Variants in UMAD1 observed in about 807,000 individuals in gnomAD.
UMAD1 encodes UBAP1-MVB12-associated (UMA) domain containing 1.
Under a neutral mutation model 6.1 loss-of-function variants are expected in UMAD1, and 8 were observed. The observed-to-expected ratio is 1.30, with a 90% CI of 0.76 to 2.35. UMAD1 has a LOEUF of 2.35. Ranked by LOEUF, UMAD1 falls within the 30% of genes most tolerant of loss-of-function variation. The pLI, the probability that UMAD1 is intolerant of heterozygous loss-of-function variation, is 0.00. For missense variants in UMAD1, 130 were observed against 78.4 expected (o/e 1.66, Z -2.49); for synonymous variants, 56 against 31.4 (o/e 1.78, Z -2.61).
At chr7:7,876,096 A>T (rs996142208) in intron 3 of UMAD1, among the ~76,000 whole-genome samples, 2 of 152,162 alleles carry the variant, frequency 1.3e-5, no homozygotes, top group Non-Finnish European at 2.9e-5. Context: ...AGTTTTATAT[A>T]AGTGAGAAAA....
intron 3 of UMAD1, among the ~76,000 whole-genome samples, chr7:7,846,039 T>C (rs901283197): frequency 6.6e-6 from 1 of 152,152 alleles, no homozygotes; most frequent in Non-Finnish European, 1.5e-5. Context: ...TACTCAATCA[T>C]AGTAAAGTAA....
chr7:7,703,636 AG>A (rs1257923200), intron 2 of UMAD1, among the ~76,000 whole-genome samples: 1 of 152,190 alleles, frequency 6.6e-6, no homozygotes, highest in African/African-American at 2.4e-5. Flanking sequence ...GCCAAAGTTC[AG>A]TTCCTTCTTC....
chr7:7,665,708 C>G (rs1272498462), intron 1 of UMAD1, among the ~76,000 whole-genome samples: 3 of 152,160 alleles, frequency 2.0e-5, no homozygotes, highest in African/African-American at 7.2e-5. Flanking sequence ...CCTCCCCTCC[C>G]CAGGCAACCT....
At chr7:7,766,141 T>G (rs1781981601) in intron 2 of UMAD1, among the ~76,000 whole-genome samples, 1 of 152,218 alleles carries the variant, frequency 6.6e-6, no homozygotes, top group East Asian at 1.9e-4. Flanking sequence ...TGCTAACACA[T>G]AAGATTATAA....
chr7:7,872,122 G>A lies in UMAD1; in HGVS notation c.157-5159G>A, dbSNP rs1485338387. ...AAAAATAAAAAAAAAAAGAAGTTGT[G>A]TGTTTAGAAAGCAAAATGCTACAGG... is the stretch of plus-strand genomic sequence containing the variant. On this transcript the variant is annotated intron_variant, in intron 3 of 3. Coordinates refer to ENST00000682710, the MANE Select transcript of UMAD1 (RefSeq NM_001302348.2). 2.6e-5 allele frequency among the ~76,000 whole-genome samples: 4 copies of A among 152,068 alleles called. No individual in the cohort carries two copies. In the East Asian group the frequency reaches 7.7e-4, roughly 29 times the overall value.
At chr7:7,744,593 G>GTTTTTTTTTTTTT (rs377391555) in intron 2 of UMAD1, among the ~76,000 whole-genome samples, 1 of 135,874 alleles carries the variant, frequency 7.4e-6, no homozygotes. Context: ...AATTGTTACT[G>GTTTTTTTTTTTTT]TTTTTTTTTT....
chr7:7,694,758 G>A lies in UMAD1; in HGVS notation c.82+21305G>A, dbSNP rs114353301. ...CTGAATAGTACTCCATTGTGCATAC[G>A]TACCACGTTTTCTTCATCCATTCAT... On this transcript the variant is annotated intron_variant, in intron 2 of 3. Coordinates refer to ENST00000682710, the MANE Select transcript of UMAD1 (RefSeq NM_001302348.2). Among the ~76,000 whole-genome samples the A allele has an allele frequency of 2.0e-3, 301 of 152,122 alleles. 3 individuals carry two copies. The highest frequency in any genetic ancestry group is 7.0e-3 in the African/African-American group (289 of 41,498).
At chr7:7,836,753 C>G (rs1233564434) in intron 3 of UMAD1, among the ~76,000 whole-genome samples, 1 of 151,288 alleles carries the variant, frequency 6.6e-6, no homozygotes, top group African/African-American at 2.4e-5. Flanking sequence ...TAGACATAAG[C>G]AAAGAGAGAT....
chr7:7,777,505 C>CA (rs1191099834), intron 2 of UMAD1, among the ~76,000 whole-genome samples: 199 of 24,452 alleles, frequency 8.1e-3, no homozygotes, highest in African/African-American at 0.016. Flanking sequence ...GACTCCATCT[C>CA]AAAAAAAAAA....
At chr7:7,719,595 G>A (rs1468760) in intron 2 of UMAD1, among the ~76,000 whole-genome samples, 16,931 of 152,028 alleles carry the variant, frequency 0.11, 1,239 homozygotes, top group African/African-American at 0.21. Context: ...CAAACCGACT[G>A]TATATTTTTC....
chr7:7,789,502 A>G (rs972243924), intron 2 of UMAD1, among the ~76,000 whole-genome samples: 2 of 152,220 alleles, frequency 1.3e-5, no homozygotes, highest in East Asian at 1.9e-4. Context: ...AATATTTGCC[A>G]TCTTAAACTA....
intron 2 of UMAD1, among the ~76,000 whole-genome samples, chr7:7,782,564 A>G (rs1782367770): frequency 6.6e-6 from 1 of 151,860 alleles, no homozygotes. Context: ...ATTCATTTTA[A>G]ATTGTAGGGT....
chr7:7,659,665 A>T (rs550997389), intron 1 of UMAD1, among the ~76,000 whole-genome samples: 1 of 152,186 alleles, frequency 6.6e-6, no homozygotes, highest in Non-Finnish European at 1.5e-5. Context: ...CTGTGGTCTG[A>T]GAGACTGTTA....
rs28912670 is a variant in UMAD1 at position 7,718,913 on chromosome 7, C to T, written c.82+45460C>T. Among the ~76,000 whole-genome samples, 30 of 152,026 alleles carry T rather than the reference C, an allele frequency of 2.0e-4. No individual in the cohort carries two copies. In the East Asian group the frequency reaches 5.4e-3, roughly 27 times the overall value. ...AAATGTATGTGTGTTTTAAAGCTTC[C>T]CAAGTGATTTTGACCATCAGTTAAG... is the stretch of plus-strand genomic sequence containing the variant. On this transcript the variant is annotated intron_variant, in intron 2 of 3. Transcript: ENST00000682710.
intron 2 of UMAD1, among the ~76,000 whole-genome samples, chr7:7,759,775 A>G (rs116179917): frequency 0.011 from 1,633 of 152,274 alleles, 29 homozygotes; most frequent in African/African-American, 0.037. Context: ...CTTTCCAGGC[A>G]GAGGAAAGAT....
chr7:7,806,625 TA>T (rs942611427), intron 3 of UMAD1, among the ~76,000 whole-genome samples: 3 of 152,184 alleles, frequency 2.0e-5, no homozygotes, highest in Non-Finnish European at 4.4e-5. Context: ...TTTCTCACCA[TA>T]AAAAAATTTT....
At chr7:7,645,750 G>A (rs1785079451) in intron 1 of UMAD1, among the ~76,000 whole-genome samples, 2 of 151,746 alleles carry the variant, frequency 1.3e-5, no homozygotes, top group African/African-American at 4.8e-5. Flanking sequence ...ATTCTTGGAA[G>A]CTTGGTTATG....
intron 2 of UMAD1, among the ~76,000 whole-genome samples, chr7:7,717,979 G>A (rs112609604): frequency 6.6e-6 from 1 of 152,310 alleles, no homozygotes; most frequent in African/African-American, 2.4e-5. Context: ...GTTTGTCATA[G>A]TTGTGTAGCT....
At chr7:7,754,173 A>G (rs1250398234) in intron 2 of UMAD1, among the ~76,000 whole-genome samples, 2 of 152,130 alleles carry the variant, frequency 1.3e-5, no homozygotes, top group East Asian at 1.9e-4. Flanking sequence ...TGACAAGAGC[A>G]AGACTCCGTC....
Sources: gnomAD v4.1 joint callset for allele counts (sites outside exome capture counted in the v4.1 genomes callset) on GRCh38, gnomAD v4.1.1 for gene constraint, MANE v1.5 for transcripts, NCBI Gene and HGNC (gene_info 2026-07-23, HGNC 2026-07-21) for gene names.